COL26A1: variants seen among roughly 807,000 people sequenced by gnomAD.
COL26A1 encodes the protein collagen alpha-1(XXVI) chain.
A neutral mutation model predicts 59.3 loss-of-function variants in COL26A1; 41 were observed. That is an observed-to-expected ratio of 0.69 (90% CI 0.54 to 0.90). The LOEUF (loss-of-function observed/expected upper bound fraction) is 0.90, where lower values mean the gene tolerates loss of function less well. Among genes scored for constraint, COL26A1 ranks in the 40% least tolerant of loss-of-function variants. The pLI, the probability that COL26A1 is intolerant of heterozygous loss-of-function variation, is 0.00. For missense variants in COL26A1, 612 were observed against 602.3 expected (o/e 1.02, Z -0.17); for synonymous variants, 266 against 256.0 (o/e 1.04, Z -0.37).
intron 1 of COL26A1, among the ~76,000 whole-genome samples, chr7:101,405,915 G>A (rs1248876824): frequency 6.6e-6 from 1 of 152,182 alleles, no homozygotes; most frequent in African/African-American, 2.4e-5. Context: ...GGTGGGGTGG[G>A]CCCCAAAATT....
intron 3 of COL26A1, among the ~76,000 whole-genome samples, chr7:101,458,835 T>C (rs1793541458): frequency 6.6e-6 from 1 of 150,722 alleles, no homozygotes; most frequent in Admixed American, 6.6e-5. Flanking sequence ...ATGGTCTGAC[T>C]TTGTTGCTCG....
At chr7:101,491,195 C>G (rs943747331) in intron 3 of COL26A1, among the ~76,000 whole-genome samples, 1 of 152,062 alleles carries the variant, frequency 6.6e-6, no homozygotes, top group African/African-American at 2.4e-5. Flanking sequence ...GTGTTTGAAG[C>G]CACCTTCAAC....
intron 1 of COL26A1, among the ~76,000 whole-genome samples, chr7:101,402,991 G>A (rs115105900): frequency 0.017 from 2,589 of 151,792 alleles, 67 homozygotes; most frequent in African/African-American, 0.06. Context: ...GATTAGTCAC[G>A]TGCCACTATG....
At chr7:101,366,251 CAT>C (rs1011855180) in intron 1 of COL26A1, among the ~76,000 whole-genome samples, 3 of 152,072 alleles carry the variant, frequency 2.0e-5, no homozygotes, top group South Asian at 2.1e-4. Context: ...TTGGGCGTCA[CAT>C]GTTTCTGTGT....
intron 3 of COL26A1, among the ~76,000 whole-genome samples, chr7:101,469,340 C>G (rs1326360091): frequency 2.0e-5 from 3 of 152,064 alleles, no homozygotes; most frequent in African/African-American, 7.2e-5. Flanking sequence ...TCTGACACCA[C>G]CACCATTCCA....
intron 5 of COL26A1, among the ~76,000 whole-genome samples, chr7:101,542,187 G>T (rs954220750): frequency 6.6e-6 from 1 of 151,838 alleles, no homozygotes; most frequent in African/African-American, 2.4e-5. Context: ...GGCTGGTCTT[G>T]AACTCCTGAC....
intron 2 of COL26A1, among the ~76,000 whole-genome samples, chr7:101,434,195 T>C (rs1265387453): frequency 0.092 from 3,699 of 40,252 alleles, no homozygotes; most frequent in Non-Finnish European, 0.11. Context: ...TCTCTCTCTC[T>C]CTCTCTCCCG....
At chr7:101,418,204 C>T (rs1356896079) in intron 1 of COL26A1, among the ~76,000 whole-genome samples, 5 of 152,094 alleles carry the variant, frequency 3.3e-5, no homozygotes, top group South Asian at 2.1e-4. Flanking sequence ...GACAAGGACC[C>T]GGGTCCTACC....
At chr7:101,384,241 T>G (rs907497534) in intron 1 of COL26A1, among the ~76,000 whole-genome samples, 10 of 142,580 alleles carry the variant, frequency 7.0e-5, no homozygotes, top group Non-Finnish European at 1.2e-4. Context: ...TTTTTTTTTT[T>G]TTTTTTTTTT....
At chr7:101,535,186 G>C (rs556632959) in intron 4 of COL26A1, among the ~76,000 whole-genome samples, 21 of 152,194 alleles carry the variant, frequency 1.4e-4, no homozygotes, top group Non-Finnish European at 2.5e-4. Context: ...CTTAGCTCTT[G>C]TGGGGCAGGA....
rs180947127 is a variant in COL26A1, at chr7:101,540,470, G to A, written c.604+421G>A. 2.5e-3 allele frequency among the ~76,000 whole-genome samples: 380 copies of A among 150,766 alleles called. 2 individuals are homozygous for A. The highest frequency in any genetic ancestry group is 8.0e-3 in the African/African-American group (331 of 41,320). On this transcript the variant is annotated intron_variant, in intron 5 of 12. Coordinates refer to ENST00000313669, the MANE Select transcript of COL26A1 (RefSeq NM_001278563.3). ...GGAGAATCGCTTGAACCCGGAAGGC[G>A]GAGGTTGCAGTGAGCCGAGATCACG...
intron 3 of COL26A1, among the ~76,000 whole-genome samples, chr7:101,502,801 G>A (rs561986762): frequency 2.6e-5 from 4 of 152,332 alleles, no homozygotes; most frequent in South Asian, 2.1e-4. Flanking sequence ...CTCCCCAAGC[G>A]GCTGTCCAAT....
At chr7:101,489,623 T>G (rs946088928) in intron 3 of COL26A1, among the ~76,000 whole-genome samples, 1 of 57,636 alleles carries the variant, frequency 1.7e-5, no homozygotes, top group Non-Finnish European at 3.0e-5. Flanking sequence ...CTTTCTTTCT[T>G]TCTTTCTTTC....
chr7:101,404,624 A>G (rs1490252606), intron 1 of COL26A1, among the ~76,000 whole-genome samples: 1 of 152,236 alleles, frequency 6.6e-6, no homozygotes, highest in Non-Finnish European at 1.5e-5. Context: ...GGCCAGGCAC[A>G]GTGGCTCATA....
chr7:101,494,486 G>A (rs766842905), intron 3 of COL26A1, among the ~76,000 whole-genome samples: 6 of 152,176 alleles, frequency 3.9e-5, no homozygotes, highest in South Asian at 4.1e-4. Flanking sequence ...ATGCTAAATC[G>A]CAGTTTGGTG....
At chr7:101,448,594 T>C (rs534854043) in intron 3 of COL26A1, among the ~76,000 whole-genome samples, 25 of 152,182 alleles carry the variant, frequency 1.6e-4, no homozygotes, top group African/African-American at 9.6e-5. Context: ...CTGGGCTCAA[T>C]TGATCCTCCC....
chr7:101,447,217 G>GGGA (rs1480604452), intron 2 of COL26A1, among the ~76,000 whole-genome samples: 1 of 152,150 alleles, frequency 6.6e-6, no homozygotes, highest in Non-Finnish European at 1.5e-5. Flanking sequence ...GAGCAATTTG[G>GGGA]GGAGGTTCAG....
chr7:101,543,225 AGT>A (rs1795656188), intron 5 of COL26A1, among the ~76,000 whole-genome samples: 1 of 151,862 alleles, frequency 6.6e-6, no homozygotes, highest in African/African-American at 2.4e-5. Context: ...GCTGGAATGC[AGT>A]GGTGTGATTA....
At chr7:101,411,505 T>TGGTA (rs1291834143) in intron 1 of COL26A1, among the ~76,000 whole-genome samples, 4 of 151,948 alleles carry the variant, frequency 2.6e-5, no homozygotes, top group Non-Finnish European at 4.4e-5. Flanking sequence ...GGTGCCTAAT[T>TGGTA]GGCCGTAAGG....
Sources: allele counts gnomAD v4.1 joint callset (sites outside exome capture counted in the v4.1 genomes callset), GRCh38; gene constraint gnomAD v4.1.1; transcripts MANE v1.5; gene names NCBI Gene and HGNC (gene_info 2026-07-23, HGNC 2026-07-21).